Variants in HERC1 observed in about 807,000 individuals in gnomAD.
HERC1 encodes the protein probable E3 ubiquitin-protein ligase HERC1.
In HERC1, 160 loss-of-function variants were observed where a neutral mutation model predicts 554.3. The observed-to-expected ratio is 0.29, with a 90% CI of 0.25 to 0.33. The LOEUF (loss-of-function observed/expected upper bound fraction) is 0.33. HERC1 is among the 10% of genes least tolerant of loss of function. HERC1 has a pLI of 1.00. For synonymous variants in HERC1, 2,175 were observed against 2,131.7 expected, an observed-to-expected ratio of 1.02 and a Z score of -0.56; for missense variants, 4,919 against 5,918.5, an observed-to-expected ratio of 0.83 and a Z score of 5.54.
At chr15:63,771,674 C>A (rs891679040) in intron 2 of HERC1, among the ~76,000 whole-genome samples, 2 of 152,104 alleles carry the variant, frequency 1.3e-5, no homozygotes, top group African/African-American at 2.4e-5. Flanking sequence ...CTCAGGTGAT[C>A]TGCCCGCCTC....
At position 63,734,386 on chromosome 15, in the gene HERC1, G is replaced by A. The variant is rs375695183; in HGVS notation, c.2646+338C>T. ...AGTCATCTATACTCTTTATACAAAC[G>A]ATTTCAGACAAAGTTCTCAGCATGG... On this transcript the variant is annotated intron_variant, in intron 13 of 77. Coordinates refer to ENST00000443617, the MANE Select transcript of HERC1 (RefSeq NM_003922.4). The surrounding 1 kb of genome is among the most constrained non-coding windows in gnomAD (Gnocchi z 4.6). Among the ~76,000 whole-genome samples the A allele has an allele frequency of 2.0e-5, 3 of 151,980 alleles. No individual in the cohort carries two copies. Among genetic ancestry groups the A allele is most frequent in the African/African-American group, 4.8e-5 (2 of 41,362 alleles).
Position 63,623,881 on chromosome 15 carries a change from C to A in HERC1, c.13455G>T (p.Lys4485Asn), listed in dbSNP as rs769599086. ...CTATTTGGACAAAAATAGGCTTACA[C>A]TTCCGTCCTCTTTAAAAGAAAGGGA... ...TVKRISTRGR[K>N]CKPIFVQIAR... Residue 4485 changes from lysine (K) to asparagine (N), a missense_variant, in exon 73 of 78, where the codon AAG (lysine) becomes AAT (asparagine). Physicochemically the swap from Lys to Asn is moderately conservative, Grantham distance 94. Transcript: ENST00000443617. 1.2e-6 allele frequency: 2 copies of A among 1,613,732 alleles called. No homozygotes were observed. Among genetic ancestry groups the A allele is most frequent in the Non-Finnish European group, 1.7e-6 (2 of 1,179,760 alleles).
At chr15:63,626,408 T>G (rs772280745) in intron 70 of HERC1, among the ~76,000 whole-genome samples, 42 of 152,248 alleles carry the variant, frequency 2.8e-4, no homozygotes, top group Non-Finnish European at 4.8e-4. Context: ...ACCTGGTATT[T>G]TCTCTTTTTG....
chr15:63,615,774 G>T lies in HERC1; in HGVS notation c.14088C>A (p.Asp4696Glu). The T allele has an allele frequency of 6.3e-7, 1 of 1,589,950 alleles. No homozygotes were observed. Among genetic ancestry groups the T allele is most frequent in the Non-Finnish European group, 8.5e-7 (1 of 1,170,998 alleles). ...CCGAGATGTTTCATCTCACCTGTCTGTCCATCTCATGAAGTCGATATTCAA... is the reference window on the plus strand; with the variant it reads ...CCGAGATGTTTCATCTCACCTGTCTTTCCATCTCATGAAGTCGATATTCAA... ...RAIEYRLHEM[D>E]RQVAAVREGM... The change falls in exon 76 of 78, where the codon GAC becomes GAA. Residue 4696 changes from aspartate (D) to glutamate (E), a missense_variant. Transcript: ENST00000443617.
At chr15:63,820,409 A>G (rs1430928499) in intron 1 of HERC1, among the ~76,000 whole-genome samples, 4 of 152,346 alleles carry the variant, frequency 2.6e-5, no homozygotes, top group Non-Finnish European at 5.9e-5. Flanking sequence ...CATAAAAAAG[A>G]TAACGGCCCA....
chr15:63,775,449 C>G lies in HERC1; in HGVS notation c.175G>C (p.Gly59Arg). The G allele has an allele frequency of 6.2e-7, 1 of 1,613,984 alleles. No homozygotes were observed. Among genetic ancestry groups the G allele is most frequent in the Non-Finnish European group, 8.5e-7 (1 of 1,179,880 alleles). Reference sequence around the variant, plus strand: ...CGTTCAAAGTCTGGCAACTGTGGTCCTTTGAGGCATAAAACTTGTTGGGGC... The same window carrying G: ...CGTTCAAAGTCTGGCAACTGTGGTCGTTTGAGGCATAAAACTTGTTGGGGC... Reference protein sequence around the residue: ...PLPQQVLCLKGPQLPDFERES... With the variant: ...PLPQQVLCLKRPQLPDFERES... The change falls in exon 2 of 78, where the codon GGA becomes CGA. Residue 59 changes from glycine to arginine, a missense_variant. This residue lies in a region of HERC1 where 110 missense variants were observed against 99.3 expected (regional missense o/e 1.11). Coordinates refer to ENST00000443617, the MANE Select transcript of HERC1 (RefSeq NM_003922.4). The surrounding 1 kb of genome is among the most constrained non-coding windows in gnomAD (Gnocchi z 4.0).
chr15:63,664,706 G>A lies in HERC1; in HGVS notation c.8556-112C>T, dbSNP rs905206091. The A allele has an allele frequency of 5.5e-6, 5 of 903,262 alleles. No individual in the cohort carries two copies. In the African/African-American group the frequency reaches 8.5e-5, roughly 15 times the overall value. 56.0% of individuals were successfully genotyped at this position (903,262 alleles called of 1,614,324 possible). On this transcript the variant is annotated intron_variant, in intron 42 of 77. Coordinates refer to ENST00000443617, the MANE Select transcript of HERC1 (RefSeq NM_003922.4). ...TTTATTCTCATTGAGAATAAAATAT[G>A]TTTATGATAAAATTTGAAACACATC...
chr15:63,758,114 C>T lies in HERC1; in HGVS notation c.1221+61G>A. On this transcript the variant is annotated intron_variant, in intron 4 of 77. Coordinates refer to ENST00000443617, the MANE Select transcript of HERC1 (RefSeq NM_003922.4). The surrounding 1 kb of genome is among the most constrained non-coding windows in gnomAD (Gnocchi z 4.0). ...AAAAAATACTCAGTATTATTTAATG[C>T]AAATAAGCATGAATATACACCAGAT... 2 of 1,187,614 alleles carry T rather than the reference C, an allele frequency of 1.7e-6. No individual in the cohort carries two copies. Among genetic ancestry groups the T allele is most frequent in the Non-Finnish European group, 2.4e-6 (2 of 829,356 alleles). 73.6% of individuals were successfully genotyped at this position (1,187,614 alleles called of 1,614,324 possible).
chr15:63,787,281 C>T (rs1417822492), intron 1 of HERC1, among the ~76,000 whole-genome samples: 1 of 152,042 alleles, frequency 6.6e-6, no homozygotes, highest in African/African-American at 2.4e-5. Context: ...CTCAGCCTCC[C>T]GAGTAGGTGG....
Position 63,692,722 on chromosome 15 carries a change from GA to G in HERC1, c.5675-157del, listed in dbSNP as rs1297509380. On this transcript the variant is annotated intron_variant, in intron 30 of 77. Coordinates refer to ENST00000443617, the MANE Select transcript of HERC1 (RefSeq NM_003922.4). This position sits in a 1 kb window ranked among gnomAD's most constrained non-coding sequence, Gnocchi z 4.7. The stretch of plus-strand genomic sequence containing the variant: ...CTGAAAACTTAAAGAACAGAATGGG[GA>G]AAGGTCAGAAAACAAAGCCTAAACT... 6.6e-6 allele frequency among the ~76,000 whole-genome samples: 1 copy of G among 152,166 alleles called. No homozygotes were observed. The highest frequency in any genetic ancestry group is 1.5e-5 in the Non-Finnish European group (1 of 68,020).
rs370911755 is a variant in HERC1, at chr15:63,645,565, G to C, written c.10996C>G (p.Leu3666Val). ...ISGCWCCLHS[L>V]CHPSIVNGIA... ...CCATTTACAATAGATGGATGGCAGA[G>C]TGAATGTAGACAGCACCAGCATCCC... Residue 3666 changes from leucine (L) to valine (V), a missense_variant, in exon 56 of 78, where the codon CTC (leucine) becomes GTC (valine). Leu to Val is a conservative substitution (Grantham distance 32, BLOSUM62 1). Coordinates refer to ENST00000443617, the MANE Select transcript of HERC1 (RefSeq NM_003922.4). The C allele has an allele frequency of 1.2e-6, 2 of 1,613,664 alleles. No homozygotes were observed. Among genetic ancestry groups the C allele is most frequent in the Non-Finnish European group, 1.7e-6 (2 of 1,179,754 alleles).
chr15:63,641,716 C>A (rs1440858330), intron 59 of HERC1, 73 bp from the exon 60 acceptor site: 2 of 1,257,760 alleles, frequency 1.6e-6, no homozygotes, highest in Non-Finnish European at 1.1e-6. Flanking sequence ...ATTTAATCTG[C>A]GAAATTCCTT....
intron 30 of HERC1, among the ~76,000 whole-genome samples, chr15:63,693,121 T>A (rs1419733642): frequency 1.3e-5 from 2 of 152,040 alleles, no homozygotes; most frequent in African/African-American, 4.8e-5. Context: ...GAGGTTGCAG[T>A]GAGCCCAGAT....
chr15:63,615,994 G>C, intron 75 of HERC1, 74 bp from the exon 76 acceptor site: 1 of 1,242,648 alleles, frequency 8.0e-7, no homozygotes, highest in African/African-American at 1.6e-5. Flanking sequence ...ATACAAATAC[G>C]GCACAGCAAT....
chr15:63,825,528 A>C (rs1248528015), intron 1 of HERC1, among the ~76,000 whole-genome samples: 1 of 152,180 alleles, frequency 6.6e-6, no homozygotes, highest in Non-Finnish European at 1.5e-5. Context: ...AGCCTGAAAT[A>C]AACAAATAAA....
intron 1 of HERC1, among the ~76,000 whole-genome samples, chr15:63,811,522 G>T (rs2077307538): frequency 6.6e-6 from 1 of 152,084 alleles, no homozygotes; most frequent in Non-Finnish European, 1.5e-5. Context: ...CATAAAAGAT[G>T]AAAGGGGCCG....
At chr15:63,710,528 C>G (rs2073240386) in intron 24 of HERC1, among the ~76,000 whole-genome samples, 1 of 152,102 alleles carries the variant, frequency 6.6e-6, no homozygotes, top group Admixed American at 6.5e-5. Flanking sequence ...GTGAATAAAA[C>G]AGCAAAAAAT....
chr15:63,769,964 G>GCAGACAA (rs2075899869), intron 2 of HERC1, among the ~76,000 whole-genome samples: 1 of 152,162 alleles, frequency 6.6e-6, no homozygotes, highest in African/African-American at 2.4e-5. Context: ...GTCTGCTTAA[G>GCAGACAA]ATATTCAAAG....
At position 63,628,735 on chromosome 15, in the gene HERC1, C is replaced by T. The variant is rs183761136; in HGVS notation, c.13047G>A (p.Ser4349=). 7.2e-5 allele frequency: 117 copies of T among 1,613,946 alleles called. No individual in the cohort carries two copies. In the African/African-American group the frequency reaches 1.3e-3, roughly 19 times the overall value. Residue 4349 remains serine, a synonymous_variant, in exon 70 of 78, where the codon TCG becomes TCA. Transcript: ENST00000443617. ...ATGCAGCACTGTGGCAGCGGCCAGCCGAGATCTGCCGAACATTTTTCCCTT... is the reference window on the plus strand; with the variant it reads ...ATGCAGCACTGTGGCAGCGGCCAGCTGAGATCTGCCGAACATTTTTCCCTT... ...GLQGKNVRQI[S]AGRCHSAAWT... is the part of the protein sequence containing the mutation.
Sources: gnomAD v4.1 joint callset for allele counts (sites outside exome capture counted in the v4.1 genomes callset) on GRCh38, gnomAD v4.1.1 for gene constraint, gnomAD v4.1.1 regional missense constraint, Gnocchi (gnomAD v3.1) non-coding constraint, MANE v1.5 for transcripts, NCBI Gene and HGNC (gene_info 2026-07-23, HGNC 2026-07-21) for gene names.